The following ANXA8 variants were observed in gnomAD, a reference collection of about 807,000 sequenced individuals.
The protein encoded by ANXA8 is VAC-beta.
A neutral mutation model predicts 26.8 loss-of-function variants in ANXA8; 9 were observed. The observed-to-expected ratio is 0.34, with a 90% CI of 0.20 to 0.59. ANXA8 has a LOEUF of 0.59. Ranked by LOEUF, ANXA8 falls within the 20% of genes least tolerant of loss-of-function variation. The pLI, the probability that ANXA8 is intolerant of heterozygous loss-of-function variation, is 0.84. For missense variants in ANXA8, 83 were observed against 238.5 expected (o/e 0.35, Z 4.29); for synonymous variants, 39 against 94.8 (o/e 0.41, Z 3.42).
At chr10:47,580,844 G>A in the ANXA8 span, among the ~76,000 whole-genome samples, 6 of 149,934 alleles carry the variant, frequency 4.0e-5, no homozygotes, top group South Asian at 2.1e-4. Flanking sequence ...GGAGGCCGAC[G>A]CAGGTGGATG....
At chr10:47,735,765 A>G in the ANXA8 span, among the ~76,000 whole-genome samples, 1 of 151,280 alleles carries the variant, frequency 6.6e-6, no homozygotes, top group South Asian at 2.1e-4. Context: ...TCAGCCTCCT[A>G]TGAGTAGCTG....
chr10:47,690,041 T>G, the ANXA8 span: 2 of 1,118,006 alleles, frequency 1.8e-6, no homozygotes, highest in Non-Finnish European at 2.5e-6. Flanking sequence ...TCCTCTAGAC[T>G]GAGTGGCATA....
At chr10:47,646,305 A>ATG in the ANXA8 span, among the ~76,000 whole-genome samples, 1 of 138,962 alleles carries the variant, frequency 7.2e-6, no homozygotes, top group Non-Finnish European at 1.5e-5. Flanking sequence ...AATAATATAT[A>ATG]TTGTTTACAC....
At chr10:47,745,355 AT>A in the ANXA8 span, among the ~76,000 whole-genome samples, 4 of 148,414 alleles carry the variant, frequency 2.7e-5, no homozygotes, top group African/African-American at 9.9e-5. Context: ...AAGTCTGGGA[AT>A]TATATTTCCC....
In ANXA8 at chr10:47,468,892, A is replaced by T; in HGVS notation, c.939T>A (p.Gly313=). The change falls in exon 12 of 12, where the codon GGT becomes GGA. Residue 313 remains glycine (G), a synonymous_variant. Transcript: ENST00000585281. ...LSSMIMEDTS[G]DYKNALLSLV... is the part of the protein sequence containing the mutation. ...GGCTCAGCAGGGCGTTCTTGTAGTC[A>T]CCGCTGGTGTCTTCCTGTGGGCAGG... 6.6e-7 allele frequency: 1 copy of T among 1,518,128 alleles called. No individual in the cohort carries two copies. The highest frequency in any genetic ancestry group is 8.9e-7 in the Non-Finnish European group (1 of 1,119,496). 94.0% of individuals were successfully genotyped at this position (1,518,128 alleles called of 1,614,324 possible). A position where few individuals can be genotyped will look rare whatever the true frequency, so the allele number is the denominator to read the frequency against.
chr10:47,633,158 A>G, the ANXA8 span, among the ~76,000 whole-genome samples: 1 of 149,124 alleles, frequency 6.7e-6, no homozygotes, highest in South Asian at 2.1e-4. Flanking sequence ...GCCACTTACC[A>G]CGGCGGGAGC....
the ANXA8 span, among the ~76,000 whole-genome samples, chr10:47,948,652 T>C: frequency 2.1e-4 from 31 of 149,832 alleles, no homozygotes; most frequent in African/African-American, 5.5e-4. Context: ...ATACTTGTAA[T>C]TGGAAGCTGA....
the ANXA8 span, chr10:47,553,603 T>A: frequency 7.4e-6 from 1 of 135,282 alleles, no homozygotes; most frequent in Admixed American, 7.8e-5. Context: ...TGGATGACTT[T>A]CAGGGGACAG....
At chr10:47,688,485 G>T in the ANXA8 span, among the ~76,000 whole-genome samples, 1 of 151,326 alleles carries the variant, frequency 6.6e-6, no homozygotes, top group Admixed American at 6.6e-5. Context: ...GCAGTGGTGA[G>T]ATCTTGGCTC....
chr10:47,653,561 T>C, the ANXA8 span, among the ~76,000 whole-genome samples: 2 of 151,256 alleles, frequency 1.3e-5, no homozygotes, highest in Non-Finnish European at 2.9e-5. Flanking sequence ...AAATTGAGTT[T>C]GTCCAAATGG....
At chr10:47,691,368 T>A in the ANXA8 span, 4 of 589,264 alleles carry the variant, frequency 6.8e-6, no homozygotes, top group African/African-American at 4.2e-5. Flanking sequence ...ATCCCTTTAT[T>A]GCATCTGCAT....
At chr10:47,693,554 T>G in the ANXA8 span, among the ~76,000 whole-genome samples, 4 of 151,496 alleles carry the variant, frequency 2.6e-5, no homozygotes, top group Admixed American at 6.6e-5. Context: ...CCTCCCAAAG[T>G]GCTGGGATTA....
chr10:47,991,274 T>A, the ANXA8 span, among the ~76,000 whole-genome samples: 4 of 100,888 alleles, frequency 4.0e-5, no homozygotes, highest in Non-Finnish European at 8.4e-5. Flanking sequence ...TGCACACAGT[T>A]CCCTCTGCCA....
At chr10:47,514,048 C>T in the ANXA8 span, among the ~76,000 whole-genome samples, 1 of 141,742 alleles carries the variant, frequency 7.1e-6, no homozygotes, top group Non-Finnish European at 1.5e-5. Flanking sequence ...AACTAAAGAG[C>T]TTCTGCACAG....
the ANXA8 span, among the ~76,000 whole-genome samples, chr10:47,664,703 C>T: frequency 3.6e-4 from 54 of 149,928 alleles, no homozygotes; most frequent in East Asian, 6.2e-3. Context: ...TAGCTGCATT[C>T]GAGCCAGAGG....
the ANXA8 span, among the ~76,000 whole-genome samples, chr10:47,640,730 A>G: frequency 1.6e-5 from 2 of 128,452 alleles, 1 homozygote; most frequent in Non-Finnish European, 3.1e-5. Context: ...GAAATTGCGC[A>G]TTTCACTCTA....
the ANXA8 span, among the ~76,000 whole-genome samples, chr10:47,654,148 T>C: frequency 6.6e-6 from 1 of 151,468 alleles, no homozygotes; most frequent in Non-Finnish European, 1.5e-5. Context: ...GTGGTGACGT[T>C]GTAAGAGGAG....
chr10:47,951,406 A>G, the ANXA8 span, among the ~76,000 whole-genome samples: 1 of 150,350 alleles, frequency 6.7e-6, no homozygotes. Context: ...GCAGAAAGTA[A>G]AGGAGGAGGA....
At chr10:47,704,279 T>G in the ANXA8 span, among the ~76,000 whole-genome samples, 51 of 144,320 alleles carry the variant, frequency 3.5e-4, no homozygotes, top group African/African-American at 1.2e-3. Context: ...TTTTTGTAAG[T>G]CTTACATTAG....
Sources: gnomAD v4.1 joint callset for allele counts (sites outside exome capture counted in the v4.1 genomes callset) on GRCh38, gnomAD v4.1.1 for gene constraint, MANE v1.5 for transcripts, NCBI Gene and HGNC (gene_info 2026-07-23, HGNC 2026-07-21) for gene names.